The following EXT1 variants were observed in gnomAD, a reference collection of about 807,000 sequenced individuals.
The protein encoded by EXT1 is exostosin-1.
Under a neutral mutation model 82.5 loss-of-function variants are expected in EXT1, and 20 were observed. That is an observed-to-expected ratio of 0.24 (90% CI 0.17 to 0.35). EXT1 has a LOEUF of 0.35. Ranked by LOEUF, EXT1 falls within the 10% of genes least tolerant of loss-of-function variation. The pLI is 1.00. For synonymous variants in EXT1, 348 were observed against 350.8 expected (o/e 0.99, Z 0.09); for missense variants, 757 against 936.5 (o/e 0.81, Z 2.50).
chr8:117,945,238 A>G (rs758430327), intron 1 of EXT1, among the ~76,000 whole-genome samples: 1 of 152,242 alleles, frequency 6.6e-6, no homozygotes, highest in Non-Finnish European at 1.5e-5. Flanking sequence ...GGCCTAGAGA[A>G]GTTAAGAACA....
intron 1 of EXT1, among the ~76,000 whole-genome samples, chr8:118,090,401 C>G (rs1817500670): frequency 6.6e-6 from 1 of 151,742 alleles, no homozygotes; most frequent in African/African-American, 2.4e-5. Context: ...GCCTGGGCAA[C>G]AGAGCAAGAC....
intron 1 of EXT1, among the ~76,000 whole-genome samples, chr8:117,909,993 C>T (rs1306620870): frequency 6.6e-6 from 1 of 152,176 alleles, no homozygotes; most frequent in Non-Finnish European, 1.5e-5. Flanking sequence ...GCCTTGAACT[C>T]CTGACTTCAA....
intron 1 of EXT1, among the ~76,000 whole-genome samples, chr8:118,047,909 G>A (rs776115464): frequency 5.9e-5 from 9 of 151,918 alleles, no homozygotes; most frequent in Non-Finnish European, 1.2e-4. Context: ...CTAGCATGGT[G>A]ATGCACACCT....
At chr8:117,824,392 TAAC>T (rs1467453364) in intron 4 of EXT1, among the ~76,000 whole-genome samples, 1 of 152,222 alleles carries the variant, frequency 6.6e-6, no homozygotes, top group African/African-American at 2.4e-5. Flanking sequence ...TCTTCTGAAA[TAAC>T]AACAAGCATT....
At chr8:118,056,528 T>C (rs1222823603) in intron 1 of EXT1, among the ~76,000 whole-genome samples, 1 of 152,176 alleles carries the variant, frequency 6.6e-6, no homozygotes, top group Admixed American at 6.5e-5. Flanking sequence ...GCCCCTAAGA[T>C]CTACCCCTTG....
chr8:118,071,537 T>A (rs1235357093), intron 1 of EXT1, among the ~76,000 whole-genome samples: 1 of 100,294 alleles, frequency 1.0e-5, no homozygotes, highest in South Asian at 3.3e-4. Flanking sequence ...GGGGCAGGGG[T>A]GGGGGAGGAG....
chr8:118,007,276 G>A (rs1815798841), intron 1 of EXT1, among the ~76,000 whole-genome samples: 3 of 151,710 alleles, frequency 2.0e-5, no homozygotes. Flanking sequence ...CAACCTGGGG[G>A]ACACAGCGAG....
intron 5 of EXT1, among the ~76,000 whole-genome samples, chr8:117,821,766 T>C (rs1168509772): frequency 6.6e-6 from 1 of 152,186 alleles, no homozygotes; most frequent in East Asian, 1.9e-4. Context: ...AGTTTAGAAC[T>C]GTAACTGATG....
chr8:117,814,180 A>C (rs1448118656), intron 7 of EXT1, among the ~76,000 whole-genome samples: 15 of 151,854 alleles, frequency 9.9e-5, no homozygotes, highest in African/African-American at 2.7e-4. Context: ...GTGTATGCAT[A>C]AAGTTTGGGC....
chr8:117,905,323 T>C (rs1372827519), intron 1 of EXT1, among the ~76,000 whole-genome samples: 4 of 152,182 alleles, frequency 2.6e-5, no homozygotes. Flanking sequence ...ACAAGTATTA[T>C]TCCCTTCCCC....
intron 1 of EXT1, among the ~76,000 whole-genome samples, chr8:117,984,093 C>G (rs761506909): frequency 6.6e-6 from 1 of 152,224 alleles, no homozygotes; most frequent in Non-Finnish European, 1.5e-5. Flanking sequence ...CAGGGAAAGA[C>G]AAATGACAAC....
chr8:118,026,179 A>G (rs1373938901), intron 1 of EXT1, among the ~76,000 whole-genome samples: 2 of 152,126 alleles, frequency 1.3e-5, no homozygotes, highest in Non-Finnish European at 2.9e-5. Flanking sequence ...TAGGAACCAC[A>G]CGGCACCTAC....
intron 1 of EXT1, among the ~76,000 whole-genome samples, chr8:118,057,270 T>A (rs1384969866): frequency 6.6e-6 from 1 of 152,186 alleles, no homozygotes; most frequent in African/African-American, 2.4e-5. Context: ...CCAGGCGCAA[T>A]GGCTCACATC....
intron 1 of EXT1, among the ~76,000 whole-genome samples, chr8:117,960,628 A>G (rs1814680535): frequency 6.6e-6 from 1 of 152,196 alleles, no homozygotes; most frequent in African/African-American, 2.4e-5. Flanking sequence ...CATGCATAAT[A>G]AAGAGAAAAA....
intron 1 of EXT1, among the ~76,000 whole-genome samples, chr8:118,087,894 T>C (rs1173273964): frequency 1.9e-5 from 2 of 103,144 alleles, no homozygotes; most frequent in East Asian, 5.5e-4. Context: ...GATTGTGTTA[T>C]ACAAAACAAA....
rs894679709 is a variant in EXT1 at position 117,968,491 on chromosome 8, A to G, written c.963-131290T>C. On this transcript the variant is annotated intron_variant, in intron 1 of 10. Transcript: ENST00000378204. The stretch of plus-strand genomic sequence containing the variant: ...TCAAACTCAGGCCTGCCTTACCACA[A>G]AGTCTGTGCTCTAATTAAATACTAC... Among the ~76,000 whole-genome samples the G allele has an allele frequency of 2.6e-5, 4 of 151,510 alleles. 1 individual carries two copies. Among genetic ancestry groups the G allele is most frequent in the Non-Finnish European group, 5.9e-5 (4 of 67,868 alleles).
intron 1 of EXT1, among the ~76,000 whole-genome samples, chr8:117,885,873 T>C (rs543246772): frequency 1.2e-4 from 18 of 152,348 alleles, no homozygotes; most frequent in African/African-American, 4.1e-4. Context: ...AAGCCAGCAT[T>C]TCTGTGGACT....
chr8:117,979,884 T>A (rs1469169169), intron 1 of EXT1, among the ~76,000 whole-genome samples: 1 of 152,184 alleles, frequency 6.6e-6, no homozygotes, highest in Non-Finnish European at 1.5e-5. Flanking sequence ...TTAAACAAAT[T>A]GTTTTGTTCA....
intron 1 of EXT1, among the ~76,000 whole-genome samples, chr8:117,909,087 G>C (rs574165657): frequency 3.9e-5 from 6 of 152,030 alleles, no homozygotes; most frequent in African/African-American, 1.4e-4. Flanking sequence ...AACCGAGATC[G>C]GGCCGTTGGA....
Sources: gnomAD v4.1 joint callset for allele counts (sites outside exome capture counted in the v4.1 genomes callset) on GRCh38, gnomAD v4.1.1 for gene constraint, MANE v1.5 for transcripts, NCBI Gene and HGNC (gene_info 2026-07-23, HGNC 2026-07-21) for gene names.